Variants in SLIT2 observed in about 807,000 individuals in gnomAD.
SLIT2 encodes the protein slit guidance ligand 2.
SLIT2 carries 41 observed loss-of-function variants against 185.7 expected under a neutral mutation model. That is an observed-to-expected ratio of 0.22 (90% CI 0.17 to 0.29). The LOEUF is 0.29. Ranked by LOEUF, SLIT2 falls within the 10% of genes least tolerant of loss-of-function variation. SLIT2 has a pLI of 1.00. For synonymous variants in SLIT2, 693 were observed against 680.2 expected (o/e 1.02, Z -0.29); for missense variants, 1,571 against 1,909.0 (o/e 0.82, Z 3.30).
chr4:20,390,360 C>G (rs569166020), intron 4 of SLIT2, among the ~76,000 whole-genome samples: 1 of 152,040 alleles, frequency 6.6e-6, no homozygotes, highest in African/African-American at 2.4e-5. Flanking sequence ...TACAAACATG[C>G]GTGAGGCAAG....
intron 29 of SLIT2, among the ~76,000 whole-genome samples, chr4:20,578,473 T>C (rs1487824172): frequency 6.6e-6 from 1 of 152,168 alleles, no homozygotes; most frequent in African/African-American, 2.4e-5. Flanking sequence ...CCTAAATTTC[T>C]CCTTCATTAT....
chr4:20,483,807 G>T (rs565877741), intron 6 of SLIT2, among the ~76,000 whole-genome samples: 2 of 152,016 alleles, frequency 1.3e-5, no homozygotes, highest in Non-Finnish European at 2.9e-5. Flanking sequence ...GGGAGAAAAT[G>T]TTCACAACTA....
At position 20,488,828 on chromosome 4, in the gene SLIT2, T is replaced by C. The variant is rs1197686876; in HGVS notation, c.621T>C (p.His207=). Residue 207 remains histidine (H), a synonymous_variant, in exon 8 of 37, where the codon CAT becomes CAC. Transcript: ENST00000504154. ...TTTTTTTCTCATTTAGTCGACTGCA[T>C]TCAAACAACCTGTATTGTGACTGCC... ...HMPKLRTFRL[H]SNNLYCDCHL... 3 of 1,583,818 alleles carry C rather than the reference T, an allele frequency of 1.9e-6. No homozygotes were observed. Among genetic ancestry groups the C allele is most frequent in the Non-Finnish European group, 2.6e-6 (3 of 1,164,062 alleles).
intron 26 of SLIT2, 25 bp downstream of exon 26, chr4:20,553,993 T>G: frequency 6.5e-7 from 1 of 1,540,958 alleles, no homozygotes; most frequent in Admixed American, 2.1e-5. Context: ...CATTTGTATT[T>G]CTTTTAAGAA....
chr4:20,376,952 C>T (rs1211841900), intron 4 of SLIT2, among the ~76,000 whole-genome samples: 1 of 152,010 alleles, frequency 6.6e-6, no homozygotes, highest in Non-Finnish European at 1.5e-5. Flanking sequence ...AGCAAACCAA[C>T]ATGGCACATA....
chr4:20,606,779 T>C (rs1335913671), intron 33 of SLIT2, among the ~76,000 whole-genome samples: 1 of 152,258 alleles, frequency 6.6e-6, no homozygotes, highest in Non-Finnish European at 1.5e-5. Context: ...TCATTACTTT[T>C]ATTAACAATT....
At chr4:20,297,430 C>T (rs1716588013) in intron 4 of SLIT2, among the ~76,000 whole-genome samples, 1 of 152,144 alleles carries the variant, frequency 6.6e-6, no homozygotes. Context: ...CCCCCTTCCA[C>T]TTGAATGCTA....
rs549321762 is a variant in SLIT2 at position 20,494,210 on chromosome 4, G to A, written c.914+2311G>A. Reference sequence around the variant, plus strand: ...TTGGTCCAGTGGAGATGTCAGAAGAGTAGGAGCTAGTCAGTGACAGTAGGA... The same window carrying A: ...TTGGTCCAGTGGAGATGTCAGAAGAATAGGAGCTAGTCAGTGACAGTAGGA... On this transcript the variant is annotated intron_variant, in intron 9 of 36. Transcript: ENST00000504154. Among the ~76,000 whole-genome samples the A allele has an allele frequency of 3.9e-5, 6 of 152,316 alleles. No individual in the cohort carries two copies. The East Asian group carries it at 1.2e-3, about 29-fold the overall frequency.
intron 3 of SLIT2, among the ~76,000 whole-genome samples, chr4:20,267,549 A>G (rs2109026148): frequency 6.6e-6 from 1 of 151,998 alleles, no homozygotes; most frequent in South Asian, 2.1e-4. Flanking sequence ...AAAAAATTAT[A>G]TCATTTTCCA....
intron 29 of SLIT2, among the ~76,000 whole-genome samples, chr4:20,574,803 A>C (rs552778435): frequency 1.3e-5 from 2 of 151,860 alleles, no homozygotes; most frequent in East Asian, 1.9e-4. Flanking sequence ...AAAAAAAAAA[A>C]AAAACAAAGG....
At chr4:20,355,638 A>T (rs912830423) in intron 4 of SLIT2, among the ~76,000 whole-genome samples, 1 of 152,164 alleles carries the variant, frequency 6.6e-6, no homozygotes, top group Non-Finnish European at 1.5e-5. Context: ...CTTTGATTTA[A>T]TACCAAACTA....
chr4:20,518,749 C>T (rs557573512), intron 11 of SLIT2, among the ~76,000 whole-genome samples: 31 of 140,816 alleles, frequency 2.2e-4, no homozygotes, highest in Non-Finnish European at 3.9e-4. Context: ...GGACTACAGG[C>T]GCCCGCCACC....
rs151250524 is a variant in SLIT2 at position 20,548,165 on chromosome 4, A to T, written c.2346-323A>T. Among the ~76,000 whole-genome samples, 399 of 152,156 alleles carry T rather than the reference A, an allele frequency of 2.6e-3. 10 individuals are homozygous for T. In the South Asian group the frequency reaches 0.06, roughly 23 times the overall value. Reference sequence around the variant, plus strand: ...GTAAAATATCAAAAGCCTTATGGAGATGGGCGCAGAGGGATAAGGGCAAAT... The same window carrying T: ...GTAAAATATCAAAAGCCTTATGGAGTTGGGCGCAGAGGGATAAGGGCAAAT... On this transcript the variant is annotated intron_variant, in intron 22 of 36. Transcript: ENST00000504154.
intron 33 of SLIT2, among the ~76,000 whole-genome samples, chr4:20,604,158 A>G (rs1728613134): frequency 6.6e-6 from 1 of 152,210 alleles, no homozygotes; most frequent in South Asian, 2.1e-4. Flanking sequence ...ATATCTGGAT[A>G]CTGAAGAATA....
At chr4:20,265,034 A>G (rs973040240) in intron 3 of SLIT2, among the ~76,000 whole-genome samples, 41 of 152,054 alleles carry the variant, frequency 2.7e-4, no homozygotes, top group African/African-American at 9.4e-4. Context: ...GCTCCCATAA[A>G]TAATCCTCTG....
intron 4 of SLIT2, among the ~76,000 whole-genome samples, chr4:20,423,027 T>C (rs1056326563): frequency 6.6e-6 from 1 of 152,028 alleles, no homozygotes; most frequent in African/African-American, 2.4e-5. Context: ...TTTAATGCTT[T>C]CTATGACATC....
At chr4:20,404,630 T>C (rs1317625522) in intron 4 of SLIT2, among the ~76,000 whole-genome samples, 1 of 152,008 alleles carries the variant, frequency 6.6e-6, no homozygotes, top group Non-Finnish European at 1.5e-5. Context: ...AACGAATGAA[T>C]GCATGAATGA....
intron 9 of SLIT2, among the ~76,000 whole-genome samples, chr4:20,503,334 A>G (rs1577800983): frequency 1.3e-5 from 2 of 152,290 alleles, no homozygotes; most frequent in South Asian, 2.1e-4. Context: ...GTGATACGAA[A>G]GATGATTTTT....
chr4:20,275,814 A>G (rs895175608), intron 4 of SLIT2, among the ~76,000 whole-genome samples: 6 of 152,128 alleles, frequency 3.9e-5, no homozygotes, highest in African/African-American at 9.7e-5. Context: ...TGACTCAGGA[A>G]CTATTTGTTA....
Sources: gnomAD v4.1 joint callset for allele counts (sites outside exome capture counted in the v4.1 genomes callset) on GRCh38, gnomAD v4.1.1 for gene constraint, MANE v1.5 for transcripts, NCBI Gene and HGNC (gene_info 2026-07-23, HGNC 2026-07-21) for gene names.